Variants in GOPC observed in about 807,000 individuals in gnomAD.
GOPC encodes Golgi-associated PDZ and coiled-coil motif-containing protein.
GOPC carries 32 observed loss-of-function variants against 51.2 expected under a neutral mutation model. The ratio of observed to expected loss-of-function variants is 0.63; its 90% CI spans 0.47 to 0.84. The LOEUF is 0.84. Among genes scored for constraint, GOPC ranks in the 40% least tolerant of loss-of-function variants. The probability of loss-of-function intolerance (pLI) is 0.00; values close to 1 mark genes in which losing one functional copy is unlikely to be tolerated. For missense variants in GOPC, 441 were observed against 555.5 expected (o/e 0.79, Z 2.07); for synonymous variants, 190 against 205.1 (o/e 0.93, Z 0.63).
At chr6:117,589,350 A>G (rs9320612) in intron 1 of GOPC, among the ~76,000 whole-genome samples, 82,193 of 152,040 alleles carry the variant, frequency 0.54, 22,998 homozygotes, top group East Asian at 0.79. Context: ...ATGGAGTTTC[A>G]CTCTTGTTGC....
In GOPC at chr6:117,578,897, T is replaced by C. The variant is rs1779920350; in HGVS notation, c.450+3A>G. On this transcript the variant is annotated splice_donor_region_variant and intron_variant, in intron 2 of 8. Transcript: ENST00000368498. ...AGGGCATGTCACTCTCTAAACTACT[T>C]ACCAATTTTGCCTTAATGGTACCAG... 6.3e-7 allele frequency: 1 copy of C among 1,580,608 alleles called. No homozygotes were observed. Among genetic ancestry groups the C allele is most frequent in the Non-Finnish European group, 8.6e-7 (1 of 1,163,422 alleles).
chr6:117,584,414 G>A (rs1427171834), intron 1 of GOPC, among the ~76,000 whole-genome samples: 2 of 152,192 alleles, frequency 1.3e-5, no homozygotes, highest in Non-Finnish European at 2.9e-5. Context: ...TCAAGTTGGG[G>A]TTCCCACATT....
At chr6:117,581,511 AC>A (rs1779959056) in intron 1 of GOPC, among the ~76,000 whole-genome samples, 2 of 150,092 alleles carry the variant, frequency 1.3e-5, no homozygotes, top group Non-Finnish European at 3.0e-5. Context: ...CCTTCTTTTG[AC>A]CCGCTCCAAT....
Position 117,563,257 on chromosome 6 carries a change from A to G in GOPC, c.1386T>C (p.Tyr462=), listed in dbSNP as rs1263361191. ...CTTGTCTGGAGATATGGTCAATTTA[A>G]TAAGATTTTTTATGATACAGAGTGT... The part of the protein sequence containing the change: ...DLHTLYHKKS[Y] The change falls in exon 9 of 9, where the codon TAT becomes TAC. Residue 462 remains tyrosine (Y), a synonymous_variant. Transcript: ENST00000368498. 1.2e-6 allele frequency: 2 copies of G among 1,607,798 alleles called. No homozygotes were observed. The highest frequency in any genetic ancestry group is 1.7e-6 in the Non-Finnish European group (2 of 1,178,782).
At chr6:117,590,060 T>C (rs1209293242) in intron 1 of GOPC, among the ~76,000 whole-genome samples, 1 of 152,188 alleles carries the variant, frequency 6.6e-6, no homozygotes, top group Non-Finnish European at 1.5e-5. Context: ...TATACATGAA[T>C]ATAGAGTCAA....
chr6:117,600,375 C>T (rs1158505856), intron 1 of GOPC, among the ~76,000 whole-genome samples: 2 of 152,238 alleles, frequency 1.3e-5, no homozygotes, highest in East Asian at 3.8e-4. Flanking sequence ...ATGATCCAGT[C>T]TCCTCTTAAA....
chr6:117,591,381 C>G (rs181779674), intron 1 of GOPC, among the ~76,000 whole-genome samples: 15 of 152,324 alleles, frequency 9.8e-5, no homozygotes, highest in African/African-American at 3.4e-4. Flanking sequence ...ACTATTTCCC[C>G]TAAAACATGG....
In GOPC at chr6:117,575,255, C is replaced by T. The variant is rs759610782; in HGVS notation, c.572G>A (p.Arg191Lys). 3 of 1,613,458 alleles carry T rather than the reference C, an allele frequency of 1.9e-6. No homozygotes were observed. The highest frequency in any genetic ancestry group is 3.3e-5 in the Admixed American group (2 of 59,962). Residue 191 changes from arginine to lysine, a missense_variant, in exon 4 of 9, where the codon AGA (arginine) becomes AAA (lysine). By Grantham distance (26) the Arg-to-Lys change is conservative. Around this residue, in one of 3 missense-constraint regions of GOPC, gnomAD observed 166 missense variants for 267.0 expected, o/e 0.62. Transcript: ENST00000368498. ...LLRKENEALRRHIAVLQAEVY... is the reference protein window; with the variant it reads ...LLRKENEALRKHIAVLQAEVY... ...TTCAGCCTGGAGAACAGCTATATGTCTACGAAGGGCTTCATTCTCTTTTCT... is the reference window on the plus strand; with the variant it reads ...TTCAGCCTGGAGAACAGCTATATGTTTACGAAGGGCTTCATTCTCTTTTCT...
At position 117,602,074 on chromosome 6, in the gene GOPC, C is replaced by T. The variant is rs764672102; in HGVS notation, c.215G>A (p.Ser72Asn). The change falls in exon 1 of 9, where the codon AGC becomes AAC. Residue 72 changes from serine (S) to asparagine (N), a missense_variant. Physicochemically the swap from Ser to Asn is conservative, Grantham distance 46. Around this residue, in one of 3 missense-constraint regions of GOPC, gnomAD observed 204 missense variants for 219.8 expected, o/e 0.93. Coordinates refer to ENST00000368498, the MANE Select transcript of GOPC (RefSeq NM_020399.4). The part of the protein sequence containing the change: ...ITYEGRQKMT[S>N]LSSCFAQLCH... ...AAGCTGTGCAAAGCAGGAGCTCAGG[C>T]TGGTCATCTTCTGTCGCCCCTCATA... 13 of 1,614,190 alleles carry T rather than the reference C, an allele frequency of 8.1e-6. No individual in the cohort carries two copies. Among genetic ancestry groups the T allele is most frequent in the Non-Finnish European group, 1.1e-5 (13 of 1,180,028 alleles).
Position 117,573,523 on chromosome 6 carries a change from G to A in GOPC, c.760C>T (p.Arg254Ter), listed in dbSNP as rs766394854. The A allele has an allele frequency of 1.2e-6, 2 of 1,614,004 alleles. No homozygotes were observed. The highest frequency in any genetic ancestry group is 1.1e-5 in the South Asian group (1 of 91,042). Residue 254 changes from arginine to a stop codon, truncating the protein, a stop_gained, in exon 5 of 9, where the codon CGA (arginine) becomes TGA (stop). Transcript: ENST00000368498. LOFTEE classifies it high-confidence loss of function. ...IHLHRHKTVI[R>*]ACRGRNDLKR... Reference sequence around the variant, plus strand: ...AAGTCATTACGTCCTCTGCAGGCTCGGATCACAGTTTTGTGACGATGCAAA... The same window carrying A: ...AAGTCATTACGTCCTCTGCAGGCTCAGATCACAGTTTTGTGACGATGCAAA...
chr6:117,573,220 T>C (rs1779832591), intron 5 of GOPC, among the ~76,000 whole-genome samples: 1 of 152,212 alleles, frequency 6.6e-6, no homozygotes, highest in South Asian at 2.1e-4. Flanking sequence ...TCCAACATTA[T>C]AGCAATATGC....
At chr6:117,565,985 C>G (rs1779688725) in intron 8 of GOPC, among the ~76,000 whole-genome samples, 1 of 152,100 alleles carries the variant, frequency 6.6e-6, no homozygotes, top group African/African-American at 2.4e-5. Flanking sequence ...AAGACAGGTA[C>G]TCAAAGGTCA....
intron 1 of GOPC, among the ~76,000 whole-genome samples, chr6:117,583,208 C>T (rs954671862): frequency 1.1e-4 from 17 of 152,196 alleles, no homozygotes; most frequent in African/African-American, 3.6e-4. Context: ...TTCTCATACT[C>T]GTTTGCTCGT....
intron 1 of GOPC, among the ~76,000 whole-genome samples, chr6:117,583,734 T>C (rs1779992806): frequency 6.6e-6 from 1 of 152,178 alleles, no homozygotes; most frequent in Non-Finnish European, 1.5e-5. Flanking sequence ...ATTTCCTCTT[T>C]TGACTGTATT....
At chr6:117,588,509 C>T (rs1405596802) in intron 1 of GOPC, among the ~76,000 whole-genome samples, 1 of 152,040 alleles carries the variant, frequency 6.6e-6, no homozygotes. Flanking sequence ...CTCCTGACCT[C>T]AAGTGATCTG....
intron 6 of GOPC, 118 bp from the exon 7 acceptor site, chr6:117,569,854 A>G: frequency 3.5e-6 from 4 of 1,134,736 alleles, no homozygotes; most frequent in Non-Finnish European, 4.7e-6. Context: ...TGCTGTCTCT[A>G]TAAATGCTGG....
chr6:117,582,272 C>CAA, intron 1 of GOPC, among the ~76,000 whole-genome samples: 1 of 66,064 alleles, frequency 1.5e-5, no homozygotes, highest in Non-Finnish European at 2.8e-5. Flanking sequence ...GCCTCCCCCC[C>CAA]TACACACACA....
At chr6:117,564,611 G>C (rs894112156) in intron 8 of GOPC, among the ~76,000 whole-genome samples, 8 of 152,044 alleles carry the variant, frequency 5.3e-5, no homozygotes, top group African/African-American at 1.9e-4. Flanking sequence ...ATTTTTTTAA[G>C]TGAGTCAGTT....
At chr6:117,575,653 T>C (rs1779870733) in intron 3 of GOPC, 1 of 470,410 alleles carries the variant, frequency 2.1e-6, no homozygotes, top group Admixed American at 2.9e-5. Flanking sequence ...TTGAATCTGC[T>C]ATTTACTTCT....
Sources: gnomAD v4.1 joint callset for allele counts (sites outside exome capture counted in the v4.1 genomes callset) on GRCh38, gnomAD v4.1.1 for gene constraint, gnomAD v4.1.1 regional missense constraint, MANE v1.5 for transcripts, NCBI Gene and HGNC (gene_info 2026-07-23, HGNC 2026-07-21) for gene names.